Variants in SMC5 observed in about 807,000 individuals in gnomAD.
SMC5 encodes structural maintenance of chromosomes protein 5.
SMC5 carries 88 observed loss-of-function variants against 148.3 expected under a neutral mutation model. That is an observed-to-expected ratio of 0.59 (90% CI 0.50 to 0.71). The LOEUF is 0.71. SMC5 is among the 30% of genes least tolerant of loss of function. The probability of loss-of-function intolerance (pLI) is 0.00; values close to 1 mark genes in which losing one functional copy is unlikely to be tolerated. For missense variants in SMC5, 1,142 were observed against 1,298.9 expected, an observed-to-expected ratio of 0.88 and a Z score of 1.86; for synonymous variants, 421 against 432.8, an observed-to-expected ratio of 0.97 and a Z score of 0.34.
intron 8 of SMC5, among the ~76,000 whole-genome samples, chr9:70,297,047 C>CT (rs149804738): frequency 0.22 from 32,758 of 152,066 alleles, 3,668 homozygotes; most frequent in South Asian, 0.29. Context: ...TTGAGTATCT[C>CT]TATCCAAAAT....
intron 8 of SMC5, among the ~76,000 whole-genome samples, chr9:70,294,122 A>G (rs1304398550): frequency 6.6e-6 from 1 of 152,156 alleles, no homozygotes; most frequent in Non-Finnish European, 1.5e-5. Context: ...TAAAAGCAAG[A>G]GAAGGAGGGA....
At chr9:70,276,513 A>C (rs1009338280) in intron 3 of SMC5, among the ~76,000 whole-genome samples, 1 of 152,214 alleles carries the variant, frequency 6.6e-6, no homozygotes, top group African/African-American at 2.4e-5. Flanking sequence ...TGGAAATGAA[A>C]GTTTAAAACT....
At chr9:70,270,400 G>A (rs1341529254) in intron 3 of SMC5, among the ~76,000 whole-genome samples, 1 of 152,114 alleles carries the variant, frequency 6.6e-6, no homozygotes, top group Non-Finnish European at 1.5e-5. Context: ...ATTTTATGGA[G>A]GCTTCATCAC....
At chr9:70,288,958 C>T (rs772714829) in intron 8 of SMC5, among the ~76,000 whole-genome samples, 2 of 152,110 alleles carry the variant, frequency 1.3e-5, no homozygotes, top group Non-Finnish European at 2.9e-5. Context: ...TATATACATA[C>T]GTTAGAATAG....
In SMC5 at chr9:70,347,723, T is replaced by C; in HGVS notation, c.2769+6T>C. 8.0e-6 allele frequency: 12 copies of C among 1,493,554 alleles called. No individual in the cohort carries two copies. The highest frequency in any genetic ancestry group is 1.0e-5 in the Non-Finnish European group (11 of 1,102,636). 92.5% of individuals were successfully genotyped at this position (1,493,554 alleles called of 1,614,324 possible). A position where few individuals can be genotyped will look rare whatever the true frequency, so the allele number is the denominator to read the frequency against. On this transcript the variant is annotated splice_donor_region_variant and intron_variant, in intron 21 of 24. Coordinates refer to ENST00000361138, the MANE Select transcript of SMC5 (RefSeq NM_015110.4). Reference sequence around the variant, plus strand: ...ACAGGGAAAACATTTCACAGGTAATTTTTTAGTTTTTAATCTTTTTATCAT... The same window carrying C: ...ACAGGGAAAACATTTCACAGGTAATCTTTTAGTTTTTAATCTTTTTATCAT...
Position 70,280,808 on chromosome 9 carries a change from A to C in SMC5, c.728A>C (p.Asn243Thr). ...TATCTACAGAAAATGGTTCAGAGGA[A>C]TGAAAGATATAAACAAGATGTGGAG... Reference protein sequence around the residue: ...TEYLQKMVQRNERYKQDVERF... With the variant: ...TEYLQKMVQRTERYKQDVERF... Residue 243 changes from asparagine (N) to threonine (T), a missense_variant, in exon 6 of 25, where the codon AAT becomes ACT. By Grantham distance (65) the Asn-to-Thr change is moderately conservative. Coordinates refer to ENST00000361138, the MANE Select transcript of SMC5 (RefSeq NM_015110.4). 3.1e-6 allele frequency: 5 copies of C among 1,613,710 alleles called. No individual in the cohort carries two copies. Among genetic ancestry groups the C allele is most frequent in the Non-Finnish European group, 4.2e-6 (5 of 1,179,772 alleles).
At chr9:70,287,011 CT>C (rs1360949810) in intron 8 of SMC5, among the ~76,000 whole-genome samples, 2 of 152,134 alleles carry the variant, frequency 1.3e-5, no homozygotes, top group Non-Finnish European at 1.5e-5. Flanking sequence ...GCCACTGCCC[CT>C]GACTGGAACT....
In SMC5 at chr9:70,277,472, G is replaced by C; in HGVS notation, c.543G>C (p.Gln181His). ...QVGNLCQFLP[Q>H]DKVGEFAKLS... ...GGAATCTTTGCCAGTTTCTCCCTCA[G>C]GTATGAGAGAAATAAATGTAAAGAT... Residue 181 changes from glutamine to histidine, a missense_variant and splice_region_variant, in exon 4 of 25, where the codon CAG becomes CAC. Gln to His is a conservative substitution (Grantham distance 24). Transcript: ENST00000361138. The C allele has an allele frequency of 6.3e-7, 1 of 1,575,784 alleles. No individual in the cohort carries two copies. Among genetic ancestry groups the C allele is most frequent in the Non-Finnish European group, 8.6e-7 (1 of 1,165,416 alleles).
chr9:70,284,430 A>G (rs941222551), intron 7 of SMC5, among the ~76,000 whole-genome samples: 8 of 152,210 alleles, frequency 5.3e-5, no homozygotes, highest in Non-Finnish European at 1.2e-4. Context: ...TATGAAACTA[A>G]TAATTGGCAG....
At chr9:70,308,596 A>G (rs2035569648) in intron 11 of SMC5, among the ~76,000 whole-genome samples, 1 of 90,346 alleles carries the variant, frequency 1.1e-5, no homozygotes, top group Non-Finnish European at 2.3e-5. Context: ...GTCTCAAAAA[A>G]AAAAAAAAAA....
chr9:70,327,586 TTAAA>T (rs1332923549), intron 17 of SMC5, among the ~76,000 whole-genome samples: 1 of 152,162 alleles, frequency 6.6e-6, no homozygotes, highest in Non-Finnish European at 1.5e-5. Context: ...TGAAAAATGG[TTAAA>T]TAGAGAATTT....
rs1382506459 is a variant in SMC5 at position 70,346,789 on chromosome 9, C to G, written c.2568+140C>G. The G allele has an allele frequency of 8.0e-5, 70 of 872,560 alleles. 1 individual carries two copies. The South Asian group carries it at 1.1e-3, about 13-fold the overall frequency. 54.1% of individuals were successfully genotyped at this position (872,560 alleles called of 1,614,324 possible). ...TCTCCTGTAGCATGAACTGATACTTCTTTTCTCTAAATTCCTAGCCTATAT... is the reference window on the plus strand; with the variant it reads ...TCTCCTGTAGCATGAACTGATACTTGTTTTCTCTAAATTCCTAGCCTATAT... On this transcript the variant is annotated intron_variant, in intron 19 of 24. Coordinates refer to ENST00000361138, the MANE Select transcript of SMC5 (RefSeq NM_015110.4).
rs2118579877 is a variant in SMC5 at position 70,316,043 on chromosome 9, A to C, written c.1806+465A>C. On this transcript the variant is annotated intron_variant, in intron 13 of 24. Transcript: ENST00000361138. ...TAAAACTTGTACTTAAGATTATCTCAGATATGAATGACCACTTCTCATAGG... is the reference window on the plus strand; with the variant it reads ...TAAAACTTGTACTTAAGATTATCTCCGATATGAATGACCACTTCTCATAGG... Among the ~76,000 whole-genome samples, 2 of 152,222 alleles carry C rather than the reference A, an allele frequency of 1.3e-5. 1 individual carries two copies. The highest frequency in any genetic ancestry group is 3.9e-4 in the East Asian group (2 of 5,184).
chr9:70,321,094 C>T (rs1400551134), intron 15 of SMC5, among the ~76,000 whole-genome samples: 4 of 152,140 alleles, frequency 2.6e-5, no homozygotes, highest in Non-Finnish European at 2.9e-5. Flanking sequence ...ACTTTGAGAA[C>T]CACTGCCCTA....
chr9:70,266,201 G>C (rs1309648085), intron 2 of SMC5, among the ~76,000 whole-genome samples: 1 of 151,886 alleles, frequency 6.6e-6, no homozygotes, highest in Non-Finnish European at 1.5e-5. Flanking sequence ...GTTAATGGAT[G>C]GTTACAAAAT....
At chr9:70,262,519 T>G (rs1209766880) in intron 1 of SMC5, among the ~76,000 whole-genome samples, 4 of 152,178 alleles carry the variant, frequency 2.6e-5, no homozygotes, top group Non-Finnish European at 5.9e-5. Flanking sequence ...GGTTTCTGAT[T>G]TGGTCAATGG....
intron 17 of SMC5, among the ~76,000 whole-genome samples, chr9:70,332,828 C>CTGA (rs147988943): frequency 0.026 from 3,917 of 152,172 alleles, 112 homozygotes; most frequent in South Asian, 0.069. Flanking sequence ...CAGACCGAAA[C>CTGA]TGAAAAACTA....
Position 70,347,940 on chromosome 9 carries a change from C to T in SMC5, c.2791C>T (p.Pro931Ser), listed in dbSNP as rs1261960280. 2 of 1,598,712 alleles carry T rather than the reference C, an allele frequency of 1.3e-6. No homozygotes were observed. Among genetic ancestry groups the T allele is most frequent in the African/African-American group, 2.7e-5 (2 of 74,246 alleles). ...ISQVKERWLN[P>S]LKELVEKINE... ...GTAGGTAAAAGAAAGGTGGCTTAAT[C>T]CTTTAAAAGAGCTGGTAGAAAAAAT... The change falls in exon 22 of 25, where the codon CCT becomes TCT. Residue 931 changes from proline (P) to serine (S), a missense_variant. Pro to Ser is a moderately conservative substitution (Grantham distance 74, BLOSUM62 -1). Transcript: ENST00000361138.
At chr9:70,294,147 A>C (rs1329188945) in intron 8 of SMC5, among the ~76,000 whole-genome samples, 1 of 152,120 alleles carries the variant, frequency 6.6e-6, no homozygotes, top group East Asian at 1.9e-4. Flanking sequence ...TCTAATTATA[A>C]CTTCTATTAA....
Sources: gnomAD v4.1 joint callset for allele counts (sites outside exome capture counted in the v4.1 genomes callset) on GRCh38, gnomAD v4.1.1 for gene constraint, MANE v1.5 for transcripts, NCBI Gene and HGNC (gene_info 2026-07-23, HGNC 2026-07-21) for gene names.